Variants in TMCO1 observed in about 807,000 individuals in gnomAD.
TMCO1 encodes calcium load-activated calcium channel.
In TMCO1, 29 loss-of-function variants were observed where a neutral mutation model predicts 29.3. The observed-to-expected ratio is 0.99, with a 90% CI of 0.74 to 1.35. TMCO1 has a LOEUF of 1.35. TMCO1 is among the 40% of genes most tolerant of loss of function. The pLI is 0.00. For missense variants in TMCO1, 173 were observed against 225.5 expected, an observed-to-expected ratio of 0.77 and a Z score of 1.49; for synonymous variants, 80 against 77.1, an observed-to-expected ratio of 1.04 and a Z score of -0.20.
intron 2 of TMCO1, among the ~76,000 whole-genome samples, chr1:165,764,828 A>G (rs1476660047): frequency 1.3e-5 from 2 of 152,208 alleles, no homozygotes; most frequent in African/African-American, 4.8e-5. Context: ...CCCTAGATGC[A>G]TTATAGGGGG....
intron 3 of TMCO1, among the ~76,000 whole-genome samples, chr1:165,755,480 A>G (rs942576078): frequency 2.0e-5 from 3 of 152,070 alleles, no homozygotes; most frequent in African/African-American, 7.2e-5. Context: ...CAGGAGTTCA[A>G]GGGCAACACA....
At chr1:165,735,193 C>G (rs55785560) in intron 6 of TMCO1, among the ~76,000 whole-genome samples, 2,023 of 152,234 alleles carry the variant, frequency 0.013, 54 homozygotes, top group African/African-American at 0.047. Flanking sequence ...CGTATCTTTC[C>G]AATGAAAATG....
At chr1:165,757,225 T>C (rs1476432583) in intron 3 of TMCO1, among the ~76,000 whole-genome samples, 2 of 152,254 alleles carry the variant, frequency 1.3e-5, no homozygotes, top group African/African-American at 4.8e-5. Flanking sequence ...TTTTTGAATA[T>C]ATTCCATAGT....
intron 5 of TMCO1, among the ~76,000 whole-genome samples, chr1:165,746,029 C>T (rs528402180): frequency 6.6e-6 from 1 of 152,280 alleles, no homozygotes; most frequent in Admixed American, 6.5e-5. Flanking sequence ...CGCCTGTAAT[C>T]CCAGCACTTT....
rs182531548 is a variant in TMCO1 at position 165,768,119 on chromosome 1, A to G, written c.148+73T>C. The G allele has an allele frequency of 1.0e-4, 130 of 1,299,314 alleles. No homozygotes were observed. The African/African-American group carries it at 1.8e-3, about 18-fold the overall frequency. 80.5% of individuals were successfully genotyped at this position (1,299,314 alleles called of 1,614,324 possible). A position where few individuals can be genotyped will look rare whatever the true frequency, so the allele number is the denominator to read the frequency against. On this transcript the variant is annotated intron_variant, in intron 2 of 6. Transcript: ENST00000367881. Reference sequence around the variant, plus strand: ...ATCTTTGTATCAGCTGGTGCTCTTAAAATATTTATTGTGAACATGGACTTA... The same window carrying G: ...ATCTTTGTATCAGCTGGTGCTCTTAGAATATTTATTGTGAACATGGACTTA...
intron 2 of TMCO1, among the ~76,000 whole-genome samples, chr1:165,763,431 C>T (rs1418135990): frequency 6.6e-6 from 1 of 152,122 alleles, no homozygotes; most frequent in East Asian, 1.9e-4. Context: ...CGACTGATCA[C>T]ATAAATAAAA....
chr1:165,755,497 C>A (rs1234228715), intron 3 of TMCO1, among the ~76,000 whole-genome samples: 1 of 151,986 alleles, frequency 6.6e-6, no homozygotes, highest in Non-Finnish European at 1.5e-5. Context: ...CACAGAGAGA[C>A]CCCATCTCTA....
intron 5 of TMCO1, among the ~76,000 whole-genome samples, chr1:165,746,453 T>TCACACACACACA (rs59467463): frequency 0.21 from 27,093 of 132,078 alleles, 3,155 homozygotes; most frequent in East Asian, 0.31. Context: ...AAGACCTATA[T>TCACACACACACA]CACACACACA....
At chr1:165,744,018 C>T (rs1376934393) in intron 5 of TMCO1, among the ~76,000 whole-genome samples, 2 of 151,976 alleles carry the variant, frequency 1.3e-5, no homozygotes, top group Non-Finnish European at 2.9e-5. Flanking sequence ...CACCACCACA[C>T]CCAGCTAATT....
intron 2 of TMCO1, among the ~76,000 whole-genome samples, chr1:165,764,733 C>T (rs1558043718): frequency 6.6e-6 from 1 of 152,134 alleles, no homozygotes; most frequent in Non-Finnish European, 1.5e-5. Context: ...TTACAGGCCA[C>T]ATGTTTATCC....
chr1:165,726,448 G>A (rs2101780905), downstream of TMCO1: 2 of 579,750 alleles, frequency 3.4e-6, no homozygotes, highest in Non-Finnish European at 6.5e-6. Context: ...TACCCATGAG[G>A]AGGCTGTAAT....
At chr1:165,733,451 T>G (rs1479878002) in intron 6 of TMCO1, among the ~76,000 whole-genome samples, 1 of 151,862 alleles carries the variant, frequency 6.6e-6, no homozygotes. Context: ...CTGGCCAACA[T>G]GGTGAAACCC....
intron 5 of TMCO1, 139 bp from the exon 6 acceptor site, chr1:165,743,450 A>G: frequency 1.2e-6 from 1 of 824,872 alleles, no homozygotes; most frequent in Non-Finnish European, 1.9e-6. Flanking sequence ...CATGCTAAAA[A>G]TACACATGAA....
chr1:165,768,048 T>G lies in TMCO1; in HGVS notation c.148+144A>C, dbSNP rs952552359. On this transcript the variant is annotated intron_variant, in intron 2 of 6. Transcript: ENST00000367881. ...CTTCCCTCTAGTTGGTATTACACAT[T>G]TTGCATAAAAGTCTTCTATTTCTAA... The G allele has an allele frequency of 4.0e-6, 3 of 741,092 alleles. No homozygotes were observed. The East Asian group carries it at 8.0e-5, about 20-fold the overall frequency. 45.9% of individuals were successfully genotyped at this position (741,092 alleles called of 1,614,324 possible). A position where few individuals can be genotyped will look rare whatever the true frequency, so the allele number is the denominator to read the frequency against.
At chr1:165,768,661 C>T in intron 1 of TMCO1, 21 bp downstream of exon 1, 1 of 1,614,070 alleles carries the variant, frequency 6.2e-7, no homozygotes, top group African/African-American at 1.3e-5. Context: ...GATCAAACGT[C>T]TGAGAAATAC....
intron 4 of TMCO1, among the ~76,000 whole-genome samples, chr1:165,753,378 T>C (rs1652069038): frequency 1.4e-5 from 2 of 140,212 alleles, no homozygotes; most frequent in Admixed American, 1.6e-4. Flanking sequence ...AAGGCTGAGG[T>C]AGGAGGAGCG....
intron 4 of TMCO1, 73 bp downstream of exon 4, chr1:165,754,155 G>A: frequency 1.6e-6 from 2 of 1,275,434 alleles, no homozygotes; most frequent in Non-Finnish European, 2.3e-6. Context: ...TGAGTGCAAT[G>A]CACTTGATGT....
chr1:165,752,203 T>TA (rs60259711), intron 4 of TMCO1, 34 bp from the exon 5 acceptor site: 2,938 of 1,404,294 alleles, frequency 2.1e-3, no homozygotes, highest in Non-Finnish European at 2.4e-3. Context: ...CATTTTACAC[T>TA]AAAAAAAAAC....
At chr1:165,725,879 T>A (rs1339720928), downstream of TMCO1, 1 of 543,926 alleles carries the variant, frequency 1.8e-6, no homozygotes. Context: ...GGAAAAAAAT[T>A]TAAAAAAATT....
Sources: allele counts gnomAD v4.1 joint callset (sites outside exome capture counted in the v4.1 genomes callset), GRCh38; gene constraint gnomAD v4.1.1; transcripts MANE v1.5; gene names NCBI Gene and HGNC (gene_info 2026-07-23, HGNC 2026-07-21).